The following MPPED1 variants were observed in gnomAD, a reference collection of about 807,000 sequenced individuals.
MPPED1 encodes metallophosphoesterase domain-containing protein 1.
A neutral mutation model predicts 36.2 loss-of-function variants in MPPED1; 16 were observed. That is an observed-to-expected ratio of 0.44 (90% confidence interval 0.30 to 0.67). MPPED1 has a LOEUF of 0.67. MPPED1 is among the 30% of genes least tolerant of loss of function. The pLI, the probability that MPPED1 is intolerant of heterozygous loss-of-function variation, is 0.10. For synonymous variants in MPPED1, 199 were observed against 191.3 expected, an observed-to-expected ratio of 1.04 and a Z score of -0.33; for missense variants, 307 against 453.4, an observed-to-expected ratio of 0.68 and a Z score of 2.93.
At chr22:43,447,617 G>T (rs1255740545) in intron 3 of MPPED1, among the ~76,000 whole-genome samples, 1 of 151,452 alleles carries the variant, frequency 6.6e-6, no homozygotes, top group Non-Finnish European at 1.5e-5. Context: ...TGCTGTTATT[G>T]TTCATGTAGA....
intron 4 of MPPED1, among the ~76,000 whole-genome samples, chr22:43,482,623 C>T (rs1048757899): frequency 6.6e-6 from 1 of 152,224 alleles, no homozygotes; most frequent in Non-Finnish European, 1.5e-5. Flanking sequence ...TGCAGAACTG[C>T]CCTTGGGATT....
chr22:43,432,839 G>A (rs1929795337), intron 2 of MPPED1, among the ~76,000 whole-genome samples: 5 of 146,110 alleles, frequency 3.4e-5, no homozygotes, highest in Admixed American at 6.8e-5. Flanking sequence ...AGGAGAGAGA[G>A]AGAAAGGGAG....
intron 3 of MPPED1, among the ~76,000 whole-genome samples, chr22:43,438,543 T>C (rs1930042133): frequency 6.6e-6 from 1 of 152,152 alleles, no homozygotes; most frequent in East Asian, 1.9e-4. Flanking sequence ...AGAAAGCTTT[T>C]CAAAGGCCAT....
At chr22:43,447,884 T>TATATATATATATATATATATATATA (rs1491157280) in intron 3 of MPPED1, among the ~76,000 whole-genome samples, 16 of 46,208 alleles carry the variant, frequency 3.5e-4, no homozygotes, top group African/African-American at 4.9e-4. Flanking sequence ...TATATATATA[T>TATATATATATATATATATATATATA]TTTTTTTTTT....
At chr22:43,489,116 C>T (rs529493222) in intron 4 of MPPED1, among the ~76,000 whole-genome samples, 16 of 152,280 alleles carry the variant, frequency 1.1e-4, no homozygotes, top group East Asian at 7.7e-4. Flanking sequence ...TCGGGCCTGC[C>T]GGTCACGGTG....
At chr22:43,435,751 G>A (rs1037275832) in intron 3 of MPPED1, among the ~76,000 whole-genome samples, 31 of 152,160 alleles carry the variant, frequency 2.0e-4, no homozygotes, top group Admixed American at 3.9e-4. Context: ...CAGCTACATC[G>A]GAGGCTGAGG....
chr22:43,412,981 TC>T (rs547501423), intron 1 of MPPED1, among the ~76,000 whole-genome samples: 143 of 152,298 alleles, frequency 9.4e-4, no homozygotes, highest in African/African-American at 3.3e-3. Context: ...CTCACCCTGC[TC>T]CTTTCCCTCC....
chr22:43,440,175 G>A (rs965885508), intron 3 of MPPED1, among the ~76,000 whole-genome samples: 2 of 152,266 alleles, frequency 1.3e-5, no homozygotes, highest in African/African-American at 4.8e-5. Flanking sequence ...GCAGGGCAGG[G>A]CATGCCTGAA....
chr22:43,422,123 C>T (rs1473422907), intron 1 of MPPED1, among the ~76,000 whole-genome samples: 2 of 152,130 alleles, frequency 1.3e-5, no homozygotes, highest in Non-Finnish European at 2.9e-5. Context: ...CCGAGGAGAC[C>T]CCGGCATTGC....
intron 3 of MPPED1, among the ~76,000 whole-genome samples, chr22:43,445,429 C>T (rs935108318): frequency 1.1e-4 from 16 of 151,996 alleles, no homozygotes; most frequent in Admixed American, 3.9e-4. Context: ...AAATTTTTAA[C>T]GTGTGTATCA....
At chr22:43,448,601 T>G in intron 3 of MPPED1, among the ~76,000 whole-genome samples, 1 of 151,282 alleles carries the variant, frequency 6.6e-6, no homozygotes, top group East Asian at 1.9e-4. Flanking sequence ...TTTATTTATT[T>G]ATTTATTTAT....
intron 3 of MPPED1, among the ~76,000 whole-genome samples, chr22:43,460,225 A>C (rs1230467688): frequency 2.5e-5 from 3 of 117,652 alleles, no homozygotes; most frequent in African/African-American, 9.2e-5. Flanking sequence ...AAACAAAAAC[A>C]AAAACAAAAA....
chr22:43,456,271 T>G (rs1206484501), intron 3 of MPPED1, among the ~76,000 whole-genome samples: 1 of 152,204 alleles, frequency 6.6e-6, no homozygotes, highest in Non-Finnish European at 1.5e-5. Context: ...TGATGTTAGC[T>G]GTGGGATTTG....
At chr22:43,466,272 G>A (rs541473882) in intron 3 of MPPED1, among the ~76,000 whole-genome samples, 36 of 152,272 alleles carry the variant, frequency 2.4e-4, no homozygotes, top group African/African-American at 8.2e-4. Flanking sequence ...TGAGGCCAGG[G>A]GGTCTGCAGC....
chr22:43,467,869 T>C (rs77046039), intron 3 of MPPED1, among the ~76,000 whole-genome samples: 200 of 152,336 alleles, frequency 1.3e-3, no homozygotes, highest in Non-Finnish European at 2.4e-3. Context: ...AGCTTGCACA[T>C]ATCTTGTTGA....
intron 4 of MPPED1, among the ~76,000 whole-genome samples, chr22:43,493,684 A>G (rs777315012): frequency 6.6e-6 from 1 of 152,170 alleles, no homozygotes; most frequent in Non-Finnish European, 1.5e-5. Context: ...CCAGTAATGT[A>G]CATACTTGGG....
chr22:43,414,952 G>T (rs1368165422), intron 1 of MPPED1, among the ~76,000 whole-genome samples: 1 of 152,192 alleles, frequency 6.6e-6, no homozygotes, highest in Non-Finnish European at 1.5e-5. Context: ...CCGATAAGAG[G>T]TAGGGGCCTT....
At position 43,502,123 on chromosome 22, in the gene MPPED1, G is replaced by A. The variant is rs535843510; in HGVS notation, c.749-521G>A. On this transcript the variant is annotated intron_variant, in intron 5 of 6. Coordinates refer to ENST00000443721, the MANE Select transcript of MPPED1 (RefSeq NM_001044370.2). This position sits in a 1 kb window ranked among gnomAD's most constrained non-coding sequence, Gnocchi z 5.5. The stretch of plus-strand genomic sequence containing the variant: ...CAGGCGCAGCCACGTGAGCGATGCT[G>A]CACCCACGGAGGAAGTTTCTGCTCA... Among the ~76,000 whole-genome samples the A allele has an allele frequency of 2.0e-5, 3 of 152,280 alleles. No homozygotes were observed. The highest frequency in any genetic ancestry group is 7.2e-5 in the African/African-American group (3 of 41,574).
At chr22:43,465,549 C>T (rs1931137962) in intron 3 of MPPED1, among the ~76,000 whole-genome samples, 1 of 152,146 alleles carries the variant, frequency 6.6e-6, no homozygotes, top group Non-Finnish European at 1.5e-5. Context: ...GAAGGGGCTC[C>T]CAGGGTGCTG....
Sources: gnomAD v4.1 joint callset for allele counts (sites outside exome capture counted in the v4.1 genomes callset) on GRCh38, gnomAD v4.1.1 for gene constraint, Gnocchi (gnomAD v3.1) non-coding constraint, MANE v1.5 for transcripts, NCBI Gene and HGNC (gene_info 2026-07-23, HGNC 2026-07-21) for gene names.